KIDINS220: variants seen among roughly 807,000 people sequenced by gnomAD.
KIDINS220 encodes kinase D-interacting substrate of 220 kDa.
KIDINS220 carries 63 observed loss-of-function variants against 157.6 expected under a neutral mutation model. That is an observed-to-expected ratio of 0.40 (90% CI 0.33 to 0.49). KIDINS220 has a LOEUF of 0.49. Among genes scored for constraint, KIDINS220 ranks in the 20% least tolerant of loss-of-function variants. The probability of loss-of-function intolerance (pLI) is 0.66; values close to 1 mark genes in which losing one functional copy is unlikely to be tolerated. For missense variants in KIDINS220, 1,772 were observed against 2,171.2 expected (o/e 0.82, Z 3.65); for synonymous variants, 732 against 783.6 (o/e 0.93, Z 1.10).
intron 6 of KIDINS220, among the ~76,000 whole-genome samples, chr2:8,811,247 G>C (rs185838061): frequency 3.6e-4 from 54 of 150,600 alleles, no homozygotes; most frequent in African/African-American, 1.3e-3. Context: ...TCCCCACAAT[G>C]TGCCAAATTC....
chr2:8,794,042 G>T, intron 11 of KIDINS220, 55 bp from the exon 12 acceptor site: 1 of 1,296,094 alleles, frequency 7.7e-7, no homozygotes. Context: ...ATAGTATGCA[G>T]ACAGTAACAA....
intron 26 of KIDINS220, among the ~76,000 whole-genome samples, chr2:8,739,126 C>T (rs1196247328): frequency 2.0e-5 from 3 of 152,156 alleles, no homozygotes; most frequent in Admixed American, 6.5e-5. Context: ...TCAATAAAGA[C>T]ACCGCCCTTT....
intron 26 of KIDINS220, among the ~76,000 whole-genome samples, chr2:8,741,917 T>C (rs1265303387): frequency 6.6e-6 from 1 of 152,178 alleles, no homozygotes; most frequent in Middle Eastern, 3.2e-3. Context: ...GTGAATGGTG[T>C]TAAAGCTGGT....
chr2:8,729,644 G>GT lies in KIDINS220; in HGVS notation c.*1075dup, dbSNP rs1349206091. The GT allele has an allele frequency of 2.0e-6, 2 of 982,968 alleles. No individual in the cohort carries two copies. The highest frequency in any genetic ancestry group is 2.4e-6 in the Non-Finnish European group (2 of 827,996). The allele number at this position is 982,968 out of a possible 1,614,324, so 60.9% of individuals were successfully genotyped here. On this transcript the variant is annotated 3_prime_UTR_variant, in exon 30 of 30. Transcript: ENST00000256707. ...ATGTTTCCAAATTTTTTTTTAAAAAGTATTTCCTTTCTTATGATCCTTCCC... is the reference window on the plus strand; with the variant it reads ...ATGTTTCCAAATTTTTTTTTAAAAAGTTATTTCCTTTCTTATGATCCTTCCC...
At chr2:8,780,785 C>G (rs1376370791) in intron 17 of KIDINS220, among the ~76,000 whole-genome samples, 2 of 151,114 alleles carry the variant, frequency 1.3e-5, no homozygotes, top group Non-Finnish European at 2.9e-5. Context: ...AAAAGTACAA[C>G]TGATATGCTA....
At chr2:8,776,719 T>C in intron 21 of KIDINS220, 29 bp downstream of exon 21, 5 of 1,593,826 alleles carry the variant, frequency 3.1e-6, no homozygotes, top group Non-Finnish European at 4.3e-6. Context: ...GCTTATTAAC[T>C]ATCATAGACA....
At position 8,731,975 on chromosome 2, in the gene KIDINS220, G is replaced by A. The variant is rs1482184768; in HGVS notation, c.4061C>T (p.Thr1354Ile). The change falls in exon 30 of 30, where the codon ACT becomes ATT. Residue 1354 changes from threonine (T) to isoleucine (I), a missense_variant. Coordinates refer to ENST00000256707, the MANE Select transcript of KIDINS220 (RefSeq NM_020738.4). This position sits in a 1 kb window ranked among gnomAD's most constrained non-coding sequence, Gnocchi z 5.2. ...ACTCGAAAGACTTGGGGTTCTGCGA[G>A]TTTGTGACTGTGAAGACAGAAAAAA... ...RHSNLSWQSQ[T>I]RRTPSLSSLN... 1.3e-6 allele frequency: 2 copies of A among 1,565,038 alleles called. No individual in the cohort carries two copies. Among genetic ancestry groups the A allele is most frequent in the Non-Finnish European group, 8.6e-7 (1 of 1,160,130 alleles).
At position 8,827,035 on chromosome 2, in the gene KIDINS220, G is replaced by C. The variant is rs1298635718; in HGVS notation, c.59C>G (p.Ala20Gly). 6.2e-7 allele frequency: 1 copy of C among 1,610,164 alleles called. No homozygotes were observed. Among genetic ancestry groups the C allele is most frequent in the Non-Finnish European group, 8.5e-7 (1 of 1,177,464 alleles). The change falls in exon 2 of 30, where the codon GCT becomes GGT. Residue 20 changes from alanine to glycine, a missense_variant. Ala to Gly is a moderately conservative substitution (Grantham distance 60, BLOSUM62 0). Around this residue, in one of 3 missense-constraint regions of KIDINS220, gnomAD observed 254 missense variants for 268.6 expected, o/e 0.95. Coordinates refer to ENST00000256707, the MANE Select transcript of KIDINS220 (RefSeq NM_020738.4). ...GCATTTTTCAAGAAGAGCTTTCAGA[G>C]CAGGAATGTTTTCTTCCTCTACATA... ...INYVEEENIPALKALLEKCKD... is the reference protein window; with the variant it reads ...INYVEEENIPGLKALLEKCKD...
intron 26 of KIDINS220, among the ~76,000 whole-genome samples, chr2:8,741,548 C>A (rs1385037663): frequency 6.6e-6 from 1 of 152,104 alleles, no homozygotes; most frequent in Non-Finnish European, 1.5e-5. Flanking sequence ...CCATTGTACT[C>A]CAGCCTGGGT....
intron 12 of KIDINS220, 138 bp from the exon 13 acceptor site, chr2:8,791,362 A>C (rs1448404987): frequency 3.1e-6 from 2 of 635,808 alleles, no homozygotes; most frequent in Non-Finnish European, 5.0e-6. Context: ...AGTTTCAGGG[A>C]GTCTCTGAGC....
In KIDINS220 at chr2:8,730,701, TCTC is replaced by T. The variant is rs367545718; in HGVS notation, c.*16_*18del. 1.2e-6 allele frequency: 2 copies of T among 1,606,944 alleles called. No individual in the cohort carries two copies. The highest frequency in any genetic ancestry group is 1.7e-6 in the Non-Finnish European group (2 of 1,177,308). ...TGTCATAAAGGTACAGTAACACTCTTCTCCTTTGCTTGTTTTTCTCAAAGAATG... is the reference window on the plus strand; with the variant it reads ...TGTCATAAAGGTACAGTAACACTCTTCTTTGCTTGTTTTTCTCAAAGAATG... On this transcript the variant is annotated 3_prime_UTR_variant, in exon 30 of 30. Coordinates refer to ENST00000256707, the MANE Select transcript of KIDINS220 (RefSeq NM_020738.4).
chr2:8,771,223 A>G (rs983510331), intron 21 of KIDINS220, among the ~76,000 whole-genome samples: 2 of 152,186 alleles, frequency 1.3e-5, no homozygotes, highest in Admixed American at 6.5e-5. Flanking sequence ...CTGAGATCCT[A>G]TTGATGGACT....
intron 6 of KIDINS220, among the ~76,000 whole-genome samples, chr2:8,810,592 C>T (rs1405361449): frequency 6.6e-6 from 1 of 152,130 alleles, no homozygotes; most frequent in African/African-American, 2.4e-5. Context: ...TCGAGACCAG[C>T]CTGGCCAACA....
At chr2:8,776,602 T>C (rs1670986312) in intron 21 of KIDINS220, 146 bp downstream of exon 21, 2 of 527,954 alleles carry the variant, frequency 3.8e-6, no homozygotes, top group Non-Finnish European at 3.0e-6. Context: ...TAAAACTGAC[T>C]TCACTAAGTG....
chr2:8,826,521 T>A (rs1487316097), intron 2 of KIDINS220, among the ~76,000 whole-genome samples: 1 of 152,160 alleles, frequency 6.6e-6, no homozygotes, highest in Non-Finnish European at 1.5e-5. Context: ...GGCAGGAGAA[T>A]CACTTGAACC....
At chr2:8,830,446 T>A (rs1424649392) in intron 1 of KIDINS220, among the ~76,000 whole-genome samples, 1 of 152,140 alleles carries the variant, frequency 6.6e-6, no homozygotes, top group Non-Finnish European at 1.5e-5. Context: ...TGAGACAGGG[T>A]CTCACTCTGT....
intron 14 of KIDINS220, 56 bp from the exon 15 acceptor site, chr2:8,788,868 T>C (rs1672790668): frequency 1.3e-6 from 2 of 1,504,186 alleles, no homozygotes; most frequent in Non-Finnish European, 9.1e-7. Context: ...AAGCAGATCT[T>C]TTCTCCAAAG....
intron 11 of KIDINS220, 26 bp from the exon 12 acceptor site, chr2:8,794,013 A>G: frequency 3.2e-6 from 5 of 1,553,162 alleles, no homozygotes; most frequent in Non-Finnish European, 4.4e-6. Flanking sequence ...ACGAAACTTG[A>G]ACTTTCTTAT....
In KIDINS220 at chr2:8,803,161, G is replaced by A. The variant is rs2356658; in HGVS notation, c.604-34C>T. 1,515,016 of 1,517,048 alleles carry A rather than the reference G, an allele frequency of 1. 756,512 individuals carry two copies. The highest frequency in any genetic ancestry group is 1 in the East Asian group (44,022 of 44,022). 94.0% of individuals were successfully genotyped at this position (1,517,048 alleles called of 1,614,324 possible). On this transcript the variant is annotated intron_variant, in intron 7 of 29. Coordinates refer to ENST00000256707, the MANE Select transcript of KIDINS220 (RefSeq NM_020738.4). The stretch of plus-strand genomic sequence containing the variant: ...AACAACAACAAAAACAAAACAAAAC[G>A]CAAGCCCAAGAAATTAATGTATTCT...
Sources: gnomAD v4.1 joint callset for allele counts (sites outside exome capture counted in the v4.1 genomes callset) on GRCh38, gnomAD v4.1.1 for gene constraint, gnomAD v4.1.1 regional missense constraint, Gnocchi (gnomAD v3.1) non-coding constraint, MANE v1.5 for transcripts, NCBI Gene and HGNC (gene_info 2026-07-23, HGNC 2026-07-21) for gene names.